Variants in WIPF2 observed in about 807,000 individuals in gnomAD.
The protein encoded by WIPF2 is WAS/WASL-interacting protein family member 2.
WIPF2 carries 23 observed loss-of-function variants against 38.8 expected under a neutral mutation model. The ratio of observed to expected loss-of-function variants is 0.59; its 90% CI spans 0.43 to 0.84. The LOEUF (loss-of-function observed/expected upper bound fraction) is 0.84, where lower values mean the gene tolerates loss of function less well. WIPF2 is among the 40% of genes least tolerant of loss of function. WIPF2 has a pLI of 0.00. For synonymous variants in WIPF2, 210 were observed against 223.2 expected, an observed-to-expected ratio of 0.94 and a Z score of 0.53; for missense variants, 574 against 580.5, an observed-to-expected ratio of 0.99 and a Z score of 0.11.
At chr17:40,243,902 G>T (rs1347135865) in intron 1 of WIPF2, among the ~76,000 whole-genome samples, 1 of 152,034 alleles carries the variant, frequency 6.6e-6, no homozygotes, top group African/African-American at 2.4e-5. Flanking sequence ...CTGCATAGTT[G>T]AATTTCTGTG....
intron 1 of WIPF2, among the ~76,000 whole-genome samples, chr17:40,254,455 G>T (rs563085583): frequency 3.3e-5 from 5 of 152,060 alleles, no homozygotes; most frequent in African/African-American, 1.2e-4. Flanking sequence ...CCATTTTTTG[G>T]GGGGAGGGGG....
At chr17:40,247,975 A>G (rs2031426567) in intron 1 of WIPF2, among the ~76,000 whole-genome samples, 1 of 151,970 alleles carries the variant, frequency 6.6e-6, no homozygotes, top group African/African-American at 2.4e-5. Flanking sequence ...ATTTGTTGCA[A>G]TTGTCTTTGG....
intron 1 of WIPF2, among the ~76,000 whole-genome samples, chr17:40,236,822 T>C (rs2030989741): frequency 6.6e-6 from 1 of 152,026 alleles, no homozygotes; most frequent in Non-Finnish European, 1.5e-5. Flanking sequence ...TTGGCCAGGC[T>C]GGTCTTGAAC....
intron 4 of WIPF2, 116 bp downstream of exon 4, chr17:40,262,757 G>C: frequency 1.3e-6 from 1 of 788,148 alleles, no homozygotes; most frequent in Admixed American, 2.0e-5. Flanking sequence ...AGACTTGGGA[G>C]TAGGGGAGGA....
chr17:40,269,153 T>G (rs2032176223), intron 5 of WIPF2, among the ~76,000 whole-genome samples: 1 of 151,928 alleles, frequency 6.6e-6, no homozygotes, highest in Non-Finnish European at 1.5e-5. Context: ...ACCCCATCTC[T>G]CTACTAAAAT....
rs2031925501 is a variant in WIPF2 at position 40,262,075 on chromosome 17, C to CTTT, written c.197-449_197-448insTTT. On this transcript the variant is annotated intron_variant, in intron 3 of 7. Coordinates refer to ENST00000323571, the MANE Select transcript of WIPF2 (RefSeq NM_133264.5). ...GCTTTCCTTTCTTTTCTTTTCTTTT[C>CTTT]TCTTTTTTTTTTTTTTTTTGAAACA... Among the ~76,000 whole-genome samples the CTTT allele has an allele frequency of 1.9e-4, 20 of 107,606 alleles. No homozygotes were observed. In the South Asian group the frequency reaches 5.2e-3, roughly 28 times the overall value. 70.6% of individuals were successfully genotyped at this position (107,606 alleles called of 152,430 possible).
chr17:40,267,917 C>T (rs1054452546), intron 5 of WIPF2, among the ~76,000 whole-genome samples: 3 of 152,086 alleles, frequency 2.0e-5, no homozygotes, highest in African/African-American at 4.8e-5. Flanking sequence ...TTGAGGCCAG[C>T]AGATCATTTA....
intron 4 of WIPF2, 148 bp from the exon 5 acceptor site, chr17:40,264,342 A>AG (rs2032007804): frequency 4.5e-6 from 3 of 666,204 alleles, no homozygotes; most frequent in East Asian, 5.7e-5. Context: ...AAAAAAAAAA[A>AG]AAAAAAAAAA....
At position 40,231,924 on chromosome 17, in the gene WIPF2, A is replaced by AT. The variant is rs1345387003; in HGVS notation, c.-70+12438dup. 1.4e-4 allele frequency among the ~76,000 whole-genome samples: 16 copies of AT among 116,352 alleles called. No individual in the cohort carries two copies. In the East Asian group the frequency reaches 1.7e-3, roughly 12 times the overall value. 76.3% of individuals were successfully genotyped at this position (116,352 alleles called of 152,430 possible). A position where few individuals can be genotyped will look rare whatever the true frequency, so the allele number is the denominator to read the frequency against. On this transcript the variant is annotated intron_variant, in intron 1 of 7. Transcript: ENST00000323571. ...TCTTAGAATGTCTAAAGATTCTTTG[A>AT]TTTTTTCTTTCTTTTTTTTTTTTTT... is the stretch of plus-strand genomic sequence containing the variant.
chr17:40,239,456 C>A (rs1384659783), intron 1 of WIPF2, among the ~76,000 whole-genome samples: 1 of 151,984 alleles, frequency 6.6e-6, no homozygotes, highest in Non-Finnish European at 1.5e-5. Flanking sequence ...ATTACAGGCA[C>A]CCTGGCAGGC....
At chr17:40,262,021 T>A (rs1207613443) in intron 3 of WIPF2, among the ~76,000 whole-genome samples, 2 of 151,572 alleles carry the variant, frequency 1.3e-5, no homozygotes, top group Non-Finnish European at 2.9e-5. Context: ...GTTTCATCCC[T>A]ACACAAAGCT....
chr17:40,252,513 A>G (rs1303254468), intron 1 of WIPF2, among the ~76,000 whole-genome samples: 1 of 151,800 alleles, frequency 6.6e-6, no homozygotes, highest in Non-Finnish European at 1.5e-5. Context: ...AAAATACAGA[A>G]ATTAGCTGGG....
chr17:40,226,856 C>T (rs555065582), intron 1 of WIPF2, among the ~76,000 whole-genome samples: 4 of 151,818 alleles, frequency 2.6e-5, no homozygotes, highest in African/African-American at 7.2e-5. Flanking sequence ...ATTCTGCTGC[C>T]TTAGCCTCCT....
intron 1 of WIPF2, among the ~76,000 whole-genome samples, chr17:40,247,304 A>G (rs1598480352): frequency 8.0e-6 from 1 of 124,592 alleles, no homozygotes; most frequent in South Asian, 2.7e-4. Context: ...TGCAACCTCC[A>G]GCTCCCGGGT....
chr17:40,260,952 A>C, intron 3 of WIPF2: 1 of 410,410 alleles, frequency 2.4e-6, no homozygotes, highest in Non-Finnish European at 4.6e-6. Context: ...TAGAAGTTCA[A>C]GGCTGCAGTG....
intron 1 of WIPF2, among the ~76,000 whole-genome samples, chr17:40,246,305 C>T (rs544450852): frequency 5.9e-5 from 9 of 151,576 alleles, no homozygotes; most frequent in East Asian, 1.9e-4. Context: ...AGGCTGGTCT[C>T]GAACTCCAGA....
intron 1 of WIPF2, among the ~76,000 whole-genome samples, chr17:40,254,841 C>T (rs2031669712): frequency 2.0e-5 from 3 of 152,054 alleles, no homozygotes; most frequent in Admixed American, 6.6e-5. Flanking sequence ...AGCAGTTCTC[C>T]TGTCTGAGCC....
At chr17:40,269,742 C>G (rs1456440375) in intron 5 of WIPF2, among the ~76,000 whole-genome samples, 1 of 149,828 alleles carries the variant, frequency 6.7e-6, no homozygotes, top group Non-Finnish European at 1.5e-5. Context: ...GTAGCTGGGA[C>G]TGCAGGCACC....
intron 1 of WIPF2, among the ~76,000 whole-genome samples, chr17:40,246,583 G>A (rs906440118): frequency 1.3e-5 from 2 of 151,274 alleles, no homozygotes; most frequent in Non-Finnish European, 2.9e-5. Context: ...ATTTTTAGTA[G>A]AGATGGTTTC....
Sources: gnomAD v4.1 joint callset for allele counts (sites outside exome capture counted in the v4.1 genomes callset) on GRCh38, gnomAD v4.1.1 for gene constraint, MANE v1.5 for transcripts, NCBI Gene and HGNC (gene_info 2026-07-23, HGNC 2026-07-21) for gene names.